Variants in GSTO2 observed in about 807,000 individuals in gnomAD.
The protein encoded by GSTO2 is glutathione S-transferase omega-2.
A neutral mutation model predicts 28.4 loss-of-function variants in GSTO2; 23 were observed. That is an observed-to-expected ratio of 0.81 (90% CI 0.58 to 1.15). GSTO2 has a LOEUF of 1.15. Ranked by LOEUF, GSTO2 falls within the 50% of genes most tolerant of loss-of-function variation. The pLI, the probability that GSTO2 is intolerant of heterozygous loss-of-function variation, is 0.00. For missense variants in GSTO2, 298 were observed against 297.8 expected, an observed-to-expected ratio of 1.00 and a Z score of 0.00; for synonymous variants, 109 against 111.0, an observed-to-expected ratio of 0.98 and a Z score of 0.11.
intron 1 of GSTO2, 52 bp downstream of exon 1, chr10:104,269,321 A>G (rs45440495): frequency 1.4e-4 from 21 of 152,208 alleles, no homozygotes; most frequent in African/African-American, 5.1e-4. Context: ...GTTTGAGGTC[A>G]ATTCTGTTTC....
Position 104,304,743 on chromosome 10 carries a change from C to T in GSTO2, c.*5459C>T, listed in dbSNP as rs1295253824. On this transcript the variant is annotated 3_prime_UTR_variant, in exon 7 of 7. Transcript: ENST00000338595. The stretch of plus-strand genomic sequence containing the variant: ...GTGGAACTAGATGTCCTACGTTGCA[C>T]ATGGCTTGATTCATGGTTTGGAGTT... The T allele has an allele frequency of 1.3e-5, 2 of 152,228 alleles. No homozygotes were observed. The highest frequency in any genetic ancestry group is 2.9e-5 in the Non-Finnish European group (2 of 68,050). 9.4% of individuals were successfully genotyped at this position (152,228 alleles called of 1,614,324 possible).
intron 5 of GSTO2, among the ~76,000 whole-genome samples, chr10:104,287,951 T>G (rs1162174970): frequency 6.7e-6 from 1 of 149,582 alleles, no homozygotes; most frequent in Non-Finnish European, 1.5e-5. Flanking sequence ...GTAGTGGTGC[T>G]ATCTCGGCTC....
chr10:104,293,064 A>C (rs2012851506), intron 5 of GSTO2, among the ~76,000 whole-genome samples: 2 of 152,246 alleles, frequency 1.3e-5, no homozygotes, highest in Non-Finnish European at 2.9e-5. Flanking sequence ...CAGTGGAATA[A>C]AACAGGAAGG....
intron 5 of GSTO2, among the ~76,000 whole-genome samples, chr10:104,282,155 G>C (rs963156612): frequency 4.6e-5 from 7 of 151,658 alleles, no homozygotes; most frequent in East Asian, 1.9e-4. Flanking sequence ...GAACCCAGGA[G>C]GGGGAGGTTG....
intron 5 of GSTO2, among the ~76,000 whole-genome samples, chr10:104,289,933 C>T (rs752903631): frequency 6.6e-6 from 1 of 152,124 alleles, no homozygotes; most frequent in Non-Finnish European, 1.5e-5. Context: ...CAGGCAATAA[C>T]GAATACTGGT....
chr10:104,285,983 A>T (rs2012398154), intron 5 of GSTO2: 1 of 360,188 alleles, frequency 2.8e-6, no homozygotes, highest in African/African-American at 2.1e-5. Context: ...CACTGAAAAC[A>T]ATTTTCTGTA....
chr10:104,291,948 C>T (rs1460512847), intron 5 of GSTO2, among the ~76,000 whole-genome samples: 1 of 152,196 alleles, frequency 6.6e-6, no homozygotes, highest in Non-Finnish European at 1.5e-5. Flanking sequence ...AAGTCTCCAA[C>T]AAACCTCTTG....
rs577545709 is a variant in GSTO2, at chr10:104,300,022, C to T, written c.*738C>T. On this transcript the variant is annotated 3_prime_UTR_variant, in exon 7 of 7. Coordinates refer to ENST00000338595, the MANE Select transcript of GSTO2 (RefSeq NM_183239.2). Reference sequence around the variant, plus strand: ...AGGGAGAAGGAAGAAGAAAACACTCCAAACCTAAATACCTTCCATTTGGCA... The same window carrying T: ...AGGGAGAAGGAAGAAGAAAACACTCTAAACCTAAATACCTTCCATTTGGCA... 6.6e-6 allele frequency: 1 copy of T among 152,578 alleles called. No homozygotes were observed. Among genetic ancestry groups the T allele is most frequent in the African/African-American group, 2.4e-5 (1 of 41,578 alleles). The allele number at this position is 152,578 out of a possible 1,614,324, so 9.5% of individuals were successfully genotyped here.
At chr10:104,270,514 A>G (rs1489026154) in intron 1 of GSTO2, among the ~76,000 whole-genome samples, 1 of 151,148 alleles carries the variant, frequency 6.6e-6, no homozygotes, top group African/African-American at 2.4e-5. Flanking sequence ...TTTTTCTTTG[A>G]TTCCTCAAGT....
chr10:104,288,259 A>G lies in GSTO2; in HGVS notation c.468+8788A>G, dbSNP rs1489283267. 2.0e-5 allele frequency: 3 copies of G among 152,198 alleles called. No individual in the cohort carries two copies. The East Asian group carries it at 5.8e-4, about 29-fold the overall frequency. 9.4% of individuals were successfully genotyped at this position (152,198 alleles called of 1,614,324 possible). A position where few individuals can be genotyped will look rare whatever the true frequency, so the allele number is the denominator to read the frequency against. Reference sequence around the variant, plus strand: ...ATAAAGTTATTTATCCAGCACACTAATTAGGAGTGTTTAGATGGTTTTCAG... The same window carrying G: ...ATAAAGTTATTTATCCAGCACACTAGTTAGGAGTGTTTAGATGGTTTTCAG... On this transcript the variant is annotated intron_variant, in intron 5 of 6. Transcript: ENST00000338595.
In GSTO2 at chr10:104,274,687, C is replaced by T. The variant is rs371319873; in HGVS notation, c.-229C>T. The T allele has an allele frequency of 1.7e-6, 1 of 584,704 alleles. No homozygotes were observed. The highest frequency in any genetic ancestry group is 3.0e-6 in the Non-Finnish European group (1 of 333,930). The allele number at this position is 584,704 out of a possible 1,614,324, so 36.2% of individuals were successfully genotyped here. A position where few individuals can be genotyped will look rare whatever the true frequency, so the allele number is the denominator to read the frequency against. The stretch of plus-strand genomic sequence containing the variant: ...TGTCTTGTTTTGTTTTTTGCCAGCT[C>T]CTACTCTCGGGCTTCCAAATCTGGG... On this transcript the variant is annotated splice_region_variant and 5_prime_UTR_variant, in exon 2 of 7. Coordinates refer to ENST00000338595, the MANE Select transcript of GSTO2 (RefSeq NM_183239.2).
chr10:104,289,248 C>T (rs898849102), intron 5 of GSTO2, among the ~76,000 whole-genome samples: 2 of 152,102 alleles, frequency 1.3e-5, no homozygotes, highest in Non-Finnish European at 2.9e-5. Context: ...ACAGGCACCA[C>T]TATGCCTGGC....
rs1482791895 is a variant in GSTO2 at position 104,297,684 on chromosome 10, A to C, written c.575A>C (p.Asp192Ala). 6.2e-7 allele frequency: 1 copy of C among 1,601,730 alleles called. No homozygotes were observed. ...CGGCTGGATGTGTATGGGATACTGG[A>C]GTAAGACATTTGACATTGTGGTGTT... ...FERLDVYGIL[D>A]CVSHTPALRL... Residue 192 changes from aspartate to alanine, a missense_variant and splice_region_variant, in exon 6 of 7, where the codon GAC (aspartate) becomes GCC (alanine). Coordinates refer to ENST00000338595, the MANE Select transcript of GSTO2 (RefSeq NM_183239.2).
chr10:104,286,217 T>G (rs562113388), intron 5 of GSTO2, among the ~76,000 whole-genome samples: 2 of 152,080 alleles, frequency 1.3e-5, no homozygotes, highest in African/African-American at 4.8e-5. Context: ...TTTTTTATCA[T>G]CCCCCAGAAA....
chr10:104,275,639 C>T (rs148014542), intron 3 of GSTO2, among the ~76,000 whole-genome samples: 1 of 152,276 alleles, frequency 6.6e-6, no homozygotes, highest in African/African-American at 2.4e-5. Context: ...ACTACTGAGG[C>T]CTTACCTGAC....
At chr10:104,296,282 A>G (rs1010454359) in intron 5 of GSTO2, 2 of 152,066 alleles carry the variant, frequency 1.3e-5, no homozygotes, top group South Asian at 2.1e-4. Context: ...GTGGCCAACA[A>G]ATGTGAAGTT....
chr10:104,277,498 C>A (rs1362693500), intron 3 of GSTO2, among the ~76,000 whole-genome samples: 1 of 152,134 alleles, frequency 6.6e-6, no homozygotes, highest in South Asian at 2.1e-4. Context: ...GTTGGCCAGG[C>A]AGGTCTTGAA....
intron 5 of GSTO2, chr10:104,294,956 T>C (rs1160412968): frequency 6.6e-6 from 1 of 152,234 alleles, no homozygotes; most frequent in Non-Finnish European, 1.5e-5. Context: ...TGTCTATTTA[T>C]GGTTTGTTTT....
intron 2 of GSTO2, 131 bp from the exon 3 acceptor site, chr10:104,275,095 A>T: frequency 6.6e-7 from 1 of 1,517,304 alleles, no homozygotes; most frequent in Non-Finnish European, 8.8e-7. Context: ...CACATGCAGC[A>T]CTGCCCTCTC....
Sources: gnomAD v4.1 joint callset for allele counts (sites outside exome capture counted in the v4.1 genomes callset) on GRCh38, gnomAD v4.1.1 for gene constraint, MANE v1.5 for transcripts, NCBI Gene and HGNC (gene_info 2026-07-23, HGNC 2026-07-21) for gene names.